The following ADCY9 variants were observed in gnomAD, a reference collection of about 807,000 sequenced individuals.
ADCY9 encodes the protein adenylate cyclase 9.
Under a neutral mutation model 101.5 loss-of-function variants are expected in ADCY9, and 50 were observed. The ratio of observed to expected loss-of-function variants is 0.49; its 90% CI spans 0.39 to 0.62. The LOEUF (loss-of-function observed/expected upper bound fraction) is 0.62. Ranked by LOEUF, ADCY9 falls within the 20% of genes least tolerant of loss-of-function variation. The probability of loss-of-function intolerance (pLI) is 0.00; values close to 1 mark genes in which losing one functional copy is unlikely to be tolerated. For synonymous variants in ADCY9, 905 were observed against 769.3 expected (o/e 1.18, Z -2.92); for missense variants, 1,662 against 1,800.4 (o/e 0.92, Z 1.39).
intron 3 of ADCY9, among the ~76,000 whole-genome samples, chr16:3,995,762 G>A (rs1472871055): frequency 6.6e-6 from 1 of 152,108 alleles, no homozygotes; most frequent in Non-Finnish European, 1.5e-5. Flanking sequence ...AAGTTAGACT[G>A]CAGACCTGTA....
chr16:3,998,216 G>A (rs531117581), intron 3 of ADCY9, among the ~76,000 whole-genome samples: 2 of 152,198 alleles, frequency 1.3e-5, no homozygotes, highest in Non-Finnish European at 2.9e-5. Flanking sequence ...CCTGGGCAAT[G>A]TATCAAGACC....
At chr16:3,968,504 C>G (rs1044742280) in intron 10 of ADCY9, among the ~76,000 whole-genome samples, 8 of 152,110 alleles carry the variant, frequency 5.3e-5, no homozygotes, top group Non-Finnish European at 1.2e-4. Context: ...TACTCTCTAC[C>G]TGTATAAAAA....
At chr16:3,953,450 A>G (rs2055892079) in exon 6 of ADCY9, 1 of 152,010 alleles carries the variant, frequency 6.6e-6, no homozygotes, top group African/African-American at 2.4e-5. Context: ...AGGCTCCTGC[A>G]CGGCAACTCT....
At chr16:4,022,252 G>A (rs1413708217) in intron 2 of ADCY9, among the ~76,000 whole-genome samples, 3 of 152,086 alleles carry the variant, frequency 2.0e-5, no homozygotes, top group Non-Finnish European at 4.4e-5. Context: ...AGCAATTTGG[G>A]AGGCCGAGGT....
chr16:3,978,871 C>A (rs1000613637), intron 8 of ADCY9, among the ~76,000 whole-genome samples: 4 of 152,114 alleles, frequency 2.6e-5, no homozygotes, highest in African/African-American at 9.7e-5. Context: ...AGGCGCCTGC[C>A]ACCATGACCA....
At chr16:4,085,978 G>T (rs1012373735) in intron 2 of ADCY9, among the ~76,000 whole-genome samples, 7 of 151,774 alleles carry the variant, frequency 4.6e-5, no homozygotes, top group African/African-American at 1.7e-4. Context: ...AACAACACTC[G>T]CTGAGTATCT....
intron 2 of ADCY9, among the ~76,000 whole-genome samples, chr16:4,026,750 C>T (rs1039173892): frequency 4.6e-5 from 7 of 152,120 alleles, no homozygotes; most frequent in East Asian, 1.9e-4. Flanking sequence ...TCAAAGGGTA[C>T]ATGCTGTGTG....
In ADCY9 at chr16:4,062,149, T is replaced by C. The variant is rs146182571; in HGVS notation, c.1693+51601A>G. 9.3e-3 allele frequency among the ~76,000 whole-genome samples: 1,416 copies of C among 152,286 alleles called. 11 individuals carry two copies. The highest frequency in any genetic ancestry group is 0.024 in the Middle Eastern group (7 of 294). On this transcript the variant is annotated intron_variant, in intron 2 of 10. Coordinates refer to ENST00000294016, the MANE Select transcript of ADCY9 (RefSeq NM_001116.4). Reference sequence around the variant, plus strand: ...GCCTGGGCAACATGGCAAAACCCCATCTCTACTTTTTAAAAGCTATATATA... The same window carrying C: ...GCCTGGGCAACATGGCAAAACCCCACCTCTACTTTTTAAAAGCTATATATA...
At chr16:4,106,790 G>A (rs2057080286) in intron 2 of ADCY9, among the ~76,000 whole-genome samples, 1 of 152,198 alleles carries the variant, frequency 6.6e-6, no homozygotes, top group Admixed American at 6.5e-5. Context: ...TTTTTTCCAA[G>A]ATTACTATTC....
Position 4,113,786 on chromosome 16 carries a change from G to A in ADCY9, c.1657C>T (p.Arg553Trp). 6.2e-7 allele frequency: 1 copy of A among 1,613,928 alleles called. No individual in the cohort carries two copies. The highest frequency in any genetic ancestry group is 8.5e-7 in the Non-Finnish European group (1 of 1,179,890). The change falls in exon 2 of 11, where the codon CGG becomes TGG. Residue 553 changes from arginine to tryptophan, a missense_variant. Around this residue, in one of 5 missense-constraint regions of ADCY9, gnomAD observed 624 missense variants for 639.1 expected, o/e 0.98. Coordinates refer to ENST00000294016, the MANE Select transcript of ADCY9 (RefSeq NM_001116.4). The part of the protein sequence containing the change: ...YEMEDGKVIE[R>W]LGQSVVADQL... The stretch of plus-strand genomic sequence containing the variant: ...TCAGCAACCACGCTCTGGCCCAGCC[G>A]TTCAATAACTTTCCCATCTTCCATT...
intron 2 of ADCY9, among the ~76,000 whole-genome samples, chr16:4,022,209 C>T (rs2141741034): frequency 6.6e-6 from 1 of 152,264 alleles, no homozygotes; most frequent in Middle Eastern, 3.4e-3. Context: ...AGACTAAATA[C>T]AACCAGGCAT....
chr16:4,050,749 G>A (rs138253065), intron 2 of ADCY9, among the ~76,000 whole-genome samples: 10 of 145,022 alleles, frequency 6.9e-5, no homozygotes, highest in East Asian at 4.0e-4. Flanking sequence ...TCCTAACTAC[G>A]CTGCTTGAGA....
chr16:3,958,026 C>T (rs2055916912), downstream of ADCY9, among the ~76,000 whole-genome samples: 1 of 152,116 alleles, frequency 6.6e-6, no homozygotes, highest in Non-Finnish European at 1.5e-5. Context: ...CAGCTGGAGG[C>T]CGGGCTAGGG....
intron 2 of ADCY9, among the ~76,000 whole-genome samples, chr16:4,111,743 C>G (rs2057115024): frequency 6.6e-6 from 1 of 151,348 alleles, no homozygotes; most frequent in African/African-American, 2.4e-5. Flanking sequence ...CCCTACAGTA[C>G]TAAAACTTTT....
Position 4,115,942 on chromosome 16 carries a change from G to T in ADCY9, c.-296C>A. 1 of 369,950 alleles carries T rather than the reference G, an allele frequency of 2.7e-6. No individual in the cohort carries two copies. The allele number at this position is 369,950 out of a possible 1,614,324, so 22.9% of individuals were successfully genotyped here. On this transcript the variant is annotated 5_prime_UTR_variant, in exon 1 of 11. Coordinates refer to ENST00000294016, the MANE Select transcript of ADCY9 (RefSeq NM_001116.4). The surrounding 1 kb of genome is among the most constrained non-coding windows in gnomAD (Gnocchi z 6.2). ...CTCCATCCTGCAGGAGCCGCGCTCC[G>T]ATGCGTCAAAGGCGGCGCGCGGCCG...
intron 10 of ADCY9, among the ~76,000 whole-genome samples, chr16:3,972,955 G>C (rs890955562): frequency 2.0e-5 from 3 of 152,022 alleles, no homozygotes; most frequent in Non-Finnish European, 4.4e-5. Context: ...AAAGATGCTA[G>C]GTGCTTTACT....
chr16:4,062,463 A>G (rs1160472368), intron 2 of ADCY9, among the ~76,000 whole-genome samples: 2 of 152,234 alleles, frequency 1.3e-5, no homozygotes, highest in African/African-American at 4.8e-5. Flanking sequence ...TAAATTTTTT[A>G]GAAGTTCTAA....
At chr16:4,062,610 T>A (rs1172664688) in intron 2 of ADCY9, among the ~76,000 whole-genome samples, 1 of 152,060 alleles carries the variant, frequency 6.6e-6, no homozygotes. Context: ...AGTACAGGAA[T>A]TCAAGGTTAT....
chr16:4,012,333 A>G (rs1597164206), intron 2 of ADCY9, among the ~76,000 whole-genome samples: 1 of 151,914 alleles, frequency 6.6e-6, no homozygotes, highest in East Asian at 1.9e-4. Context: ...CCTGAGAAAT[A>G]CATCAGGACA....
Sources: gnomAD v4.1 joint callset for allele counts (sites outside exome capture counted in the v4.1 genomes callset) on GRCh38, gnomAD v4.1.1 for gene constraint, gnomAD v4.1.1 regional missense constraint, Gnocchi (gnomAD v3.1) non-coding constraint, MANE v1.5 for transcripts, NCBI Gene and HGNC (gene_info 2026-07-23, HGNC 2026-07-21) for gene names.